The following PLB1 variants were observed in gnomAD, a reference collection of about 807,000 sequenced individuals.
PLB1 encodes the protein phospholipase B1.
A neutral mutation model predicts 227.4 loss-of-function variants in PLB1; 242 were observed. The ratio of observed to expected loss-of-function variants is 1.06; its 90% CI spans 0.96 to 1.18. PLB1 has a LOEUF of 1.18. PLB1 is among the 50% of genes most tolerant of loss of function. The pLI, the probability that PLB1 is intolerant of heterozygous loss-of-function variation, is 0.00. For synonymous variants in PLB1, 757 were observed against 682.2 expected (o/e 1.11, Z -1.71); for missense variants, 1,858 against 1,816.3 (o/e 1.02, Z -0.42).
chr2:28,554,489 C>CTTT lies in PLB1; in HGVS notation c.1147+1525_1147+1527dup, dbSNP rs536476788. Among the ~76,000 whole-genome samples, 279 of 85,416 alleles carry CTTT rather than the reference C, an allele frequency of 3.3e-3. 23 individuals are homozygous for CTTT. Among genetic ancestry groups the CTTT allele is most frequent in the African/African-American group, 0.012 (230 of 18,718 alleles). The allele number at this position is 85,416 out of a possible 152,430, so 56.0% of individuals were successfully genotyped here. On this transcript the variant is annotated intron_variant, in intron 17 of 57. Transcript: ENST00000327757. ...CTACAGGCATTATCACCACACCTGCCTTTTTTTTTTTTTTTTTTTTTTTTT... is the reference window on the plus strand; with the variant it reads ...CTACAGGCATTATCACCACACCTGCCTTTTTTTTTTTTTTTTTTTTTTTTTTTT...
intron 16 of PLB1, among the ~76,000 whole-genome samples, chr2:28,551,710 G>GT (rs1250952213): frequency 6.6e-6 from 1 of 152,202 alleles, no homozygotes; most frequent in Non-Finnish European, 1.5e-5. Flanking sequence ...CTGTGCCTTA[G>GT]TTTTTTAACC....
chr2:28,576,301 C>G (rs1678925167), intron 21 of PLB1, among the ~76,000 whole-genome samples: 1 of 152,214 alleles, frequency 6.6e-6, no homozygotes, highest in Middle Eastern at 3.2e-3. Context: ...TATTCCAGGT[C>G]TGACAATAGC....
At chr2:28,529,226 T>G in intron 6 of PLB1, 91 bp from the exon 7 acceptor site, 1 of 849,802 alleles carries the variant, frequency 1.2e-6, no homozygotes, top group Non-Finnish European at 2.0e-6. Flanking sequence ...ATTATAGGCA[T>G]GAGCCACCAC....
intron 40 of PLB1, 54 bp from the exon 41 acceptor site, chr2:28,604,601 G>A: frequency 6.7e-7 from 1 of 1,482,640 alleles, no homozygotes; most frequent in Non-Finnish European, 9.3e-7. Flanking sequence ...TTGCCTCACT[G>A]GGTCCTGGGC....
intron 25 of PLB1, among the ~76,000 whole-genome samples, chr2:28,583,746 T>C (rs576780733): frequency 6.6e-6 from 1 of 152,080 alleles, no homozygotes; most frequent in African/African-American, 2.4e-5. Context: ...TAATGGCTCA[T>C]GTGGGGCTAA....
chr2:28,601,297 G>A lies in PLB1; in HGVS notation c.2572G>A (p.Gly858Arg), dbSNP rs746817439. The change falls in exon 37 of 58, where the codon GGA (glycine) becomes AGA (arginine). Residue 858 changes from glycine (G) to arginine (R), a missense_variant. Coordinates refer to ENST00000327757, the MANE Select transcript of PLB1 (RefSeq NM_153021.5). ...CTGGAAGGTCATCACAGTGCTGATC[G>A]GAGGCAGCGATTTATGTGACTACTG... Reference protein sequence around the residue: ...EDWKVITVLIGGSDLCDYCTD... With the variant: ...EDWKVITVLIRGSDLCDYCTD... 2.0e-5 allele frequency: 33 copies of A among 1,613,954 alleles called. No homozygotes were observed. The highest frequency in any genetic ancestry group is 1.3e-4 in the African/African-American group (10 of 74,874).
intron 57 of PLB1, among the ~76,000 whole-genome samples, chr2:28,641,377 G>A (rs1689955996): frequency 6.6e-6 from 1 of 152,218 alleles, no homozygotes; most frequent in Non-Finnish European, 1.5e-5. Context: ...GGAGGCCGAG[G>A]CGGTCAGATC....
intron 23 of PLB1, among the ~76,000 whole-genome samples, chr2:28,581,731 G>A (rs1680047629): frequency 6.6e-6 from 1 of 152,004 alleles, no homozygotes; most frequent in Non-Finnish European, 1.5e-5. Context: ...ACTTTGGGAG[G>A]CTGAGGTGGA....
At chr2:28,521,673 G>C (rs1669549419) in intron 4 of PLB1, among the ~76,000 whole-genome samples, 1 of 152,160 alleles carries the variant, frequency 6.6e-6, no homozygotes, top group African/African-American at 2.4e-5. Context: ...GAGAAAGAGG[G>C]ATCTGGATAG....
chr2:28,616,074 G>A, intron 44 of PLB1, among the ~76,000 whole-genome samples: 1 of 152,332 alleles, frequency 6.6e-6, no homozygotes, highest in African/African-American at 2.4e-5. Flanking sequence ...GCTGGGAAGG[G>A]TGGATGGTGG....
chr2:28,540,279 T>C (rs1212539369), intron 11 of PLB1, 87 bp from the exon 12 acceptor site: 12 of 1,099,222 alleles, frequency 1.1e-5, no homozygotes, highest in Non-Finnish European at 1.7e-5. Flanking sequence ...CCTATGCCCC[T>C]TCTTCCATAA....
At chr2:28,565,113 C>G (rs1676660336) in intron 18 of PLB1, among the ~76,000 whole-genome samples, 167 bp from the exon 19 acceptor site, 1 of 152,202 alleles carries the variant, frequency 6.6e-6, no homozygotes, top group Non-Finnish European at 1.5e-5. Flanking sequence ...TCACTCATCT[C>G]TGAAAAGGCA....
intron 9 of PLB1, among the ~76,000 whole-genome samples, chr2:28,536,950 G>A (rs1045345982): frequency 1.3e-5 from 2 of 152,160 alleles, no homozygotes; most frequent in African/African-American, 2.4e-5. Context: ...AGGGTCCCCC[G>A]CCTCTCCAGG....
intron 1 of PLB1, among the ~76,000 whole-genome samples, chr2:28,510,625 C>CTT (rs11396456): frequency 0.25 from 29,210 of 117,962 alleles, 4,903 homozygotes; most frequent in East Asian, 0.6. Flanking sequence ...TTTTCTCTCT[C>CTT]TTTTTTTTTT....
At chr2:28,629,719 G>A (rs545029138) in intron 53 of PLB1, among the ~76,000 whole-genome samples, 1 of 152,338 alleles carries the variant, frequency 6.6e-6, no homozygotes, top group East Asian at 1.9e-4. Context: ...TTAGGAAATA[G>A]CTCTTATTCC....
At position 28,525,247 on chromosome 2, in the gene PLB1, A is replaced by C. The variant is rs374447899; in HGVS notation, c.244-20A>C. On this transcript the variant is annotated intron_variant, in intron 4 of 57. Transcript: ENST00000327757. ...TGCCACCTCCCCTGGCTGGGTGTTAACATTGAGTATCTATTCCAGCCTCCA... is the reference window on the plus strand; with the variant it reads ...TGCCACCTCCCCTGGCTGGGTGTTACCATTGAGTATCTATTCCAGCCTCCA... 6.2e-7 allele frequency: 1 copy of C among 1,612,256 alleles called. No individual in the cohort carries two copies. The highest frequency in any genetic ancestry group is 1.3e-5 in the African/African-American group (1 of 74,866).
rs1558824211 is a variant in PLB1, at chr2:28,582,098, AACATTGG to A, written c.1599_1605del (p.Asn533LysfsTer16). 6.2e-7 allele frequency: 1 copy of A among 1,614,100 alleles called. No individual in the cohort carries two copies. The highest frequency in any genetic ancestry group is 1.3e-5 in the African/African-American group (1 of 75,048). Reference sequence around the variant, plus strand: ...CTATTCTCCCCAGAACTTCACAGACAACATTGGAAAGGCCCTGGACATCCTCCATGCT... The same window carrying A: ...CTATTCTCCCCAGAACTTCACAGACAAAAGGCCCTGGACATCCTCCATGCT... On this transcript the variant is annotated frameshift_variant, in exon 24 of 58. Coordinates refer to ENST00000327757, the MANE Select transcript of PLB1 (RefSeq NM_153021.5). LOFTEE classifies it high-confidence loss of function.
At chr2:28,523,917 A>G (rs1041277705) in intron 4 of PLB1, among the ~76,000 whole-genome samples, 20 of 152,152 alleles carry the variant, frequency 1.3e-4, no homozygotes, top group South Asian at 2.1e-4. Flanking sequence ...TGCTCCCCTC[A>G]TTACCTAACC....
Position 28,633,560 on chromosome 2 carries a change from C to T in PLB1, c.4098+521C>T, listed in dbSNP as rs982049640. The stretch of plus-strand genomic sequence containing the variant: ...ATACCCAACTCATTTCTCTAAACAT[C>T]GAAAAGTGGAGATCCACACAGCCTG... On this transcript the variant is annotated intron_variant, in intron 56 of 57. Coordinates refer to ENST00000327757, the MANE Select transcript of PLB1 (RefSeq NM_153021.5). Among the ~76,000 whole-genome samples, 5 of 148,814 alleles carry T rather than the reference C, an allele frequency of 3.4e-5. No individual in the cohort carries two copies. The East Asian group carries it at 6.0e-4, about 18-fold the overall frequency.
Sources: allele counts gnomAD v4.1 joint callset (sites outside exome capture counted in the v4.1 genomes callset), GRCh38; gene constraint gnomAD v4.1.1; transcripts MANE v1.5; gene names NCBI Gene and HGNC (gene_info 2026-07-23, HGNC 2026-07-21).